Variants in HIGD1C observed in about 807,000 individuals in gnomAD.
HIGD1C encodes the protein HIG1 hypoxia inducible domain family member 1C, also known as HIG1 domain family member 1C.
A neutral mutation model predicts 13.1 loss-of-function variants in HIGD1C; 11 were observed. The observed-to-expected ratio is 0.84, with a 90% CI of 0.53 to 1.39. The LOEUF is 1.39. Ranked by LOEUF, HIGD1C falls within the 40% of genes most tolerant of loss-of-function variation. The probability of loss-of-function intolerance (pLI) is 0.00; values close to 1 mark genes in which losing one functional copy is unlikely to be tolerated. For synonymous variants in HIGD1C, 36 were observed against 37.7 expected (o/e 0.95, Z 0.17); for missense variants, 110 against 112.0 (o/e 0.98, Z 0.08).
intron 2 of HIGD1C, among the ~76,000 whole-genome samples, chr12:50,969,630 C>T (rs995315086): frequency 6.7e-6 from 1 of 149,694 alleles, no homozygotes; most frequent in Non-Finnish European, 1.5e-5. Flanking sequence ...ACCTGGGAAG[C>T]GGAGGTTGCA....
chr12:50,931,670 C>T, the HIGD1C span: 1 of 137,058 alleles, frequency 7.3e-6, no homozygotes, highest in South Asian at 2.3e-4. Flanking sequence ...GAGATCATGC[C>T]ATTGTACTCT....
At chr12:50,936,015 C>T in the HIGD1C span, among the ~76,000 whole-genome samples, 9 of 152,008 alleles carry the variant, frequency 5.9e-5, no homozygotes, top group Middle Eastern at 3.4e-3. Flanking sequence ...AAAAGTTAGC[C>T]GGGCGTGGTG....
chr12:50,941,015 ATTTATT>A, the HIGD1C span, among the ~76,000 whole-genome samples: 4 of 151,676 alleles, frequency 2.6e-5, no homozygotes, highest in South Asian at 4.2e-4. Flanking sequence ...CGGCTAATTT[ATTTATT>A]TTTATTTTTA....
chr12:50,952,815 T>G (rs1308273214), upstream of HIGD1C, among the ~76,000 whole-genome samples: 1 of 152,204 alleles, frequency 6.6e-6, no homozygotes, highest in Non-Finnish European at 1.5e-5. Flanking sequence ...GCAAGAATCC[T>G]GGCCTCTGAT....
chr12:50,960,842 G>A (rs67646958), intron 1 of HIGD1C, 126 bp from the exon 4 acceptor site: 125,574 of 733,480 alleles, frequency 0.17, 13,467 homozygotes, highest in East Asian at 0.49. Context: ...ATCACCATGT[G>A]TGGCTAATTT....
At chr12:50,942,440 G>A in the HIGD1C span, among the ~76,000 whole-genome samples, 3 of 152,066 alleles carry the variant, frequency 2.0e-5, no homozygotes, top group Admixed American at 6.6e-5. Flanking sequence ...TGGCTTAACT[G>A]GCCTCCAGTC....
chr12:50,962,638 A>G (rs939149273), intron 2 of HIGD1C, among the ~76,000 whole-genome samples: 1 of 152,216 alleles, frequency 6.6e-6, no homozygotes, highest in Non-Finnish European at 1.5e-5. Flanking sequence ...CAGAGGTTGC[A>G]GTGAGTCGAA....
the HIGD1C span, among the ~76,000 whole-genome samples, chr12:50,941,382 A>AT: frequency 6.6e-6 from 1 of 152,074 alleles, no homozygotes; most frequent in Non-Finnish European, 1.5e-5. Flanking sequence ...CTGTGCTTTT[A>AT]TTTTTTTCCT....
chr12:50,965,462 T>TA (rs1939505809), intron 2 of HIGD1C, among the ~76,000 whole-genome samples: 1 of 152,100 alleles, frequency 6.6e-6, no homozygotes, highest in Admixed American at 6.6e-5. Flanking sequence ...TATTTCCTAC[T>TA]ATAATAGCCC....
the HIGD1C span, among the ~76,000 whole-genome samples, chr12:50,939,060 A>C: frequency 6.6e-6 from 1 of 152,256 alleles, no homozygotes; most frequent in Non-Finnish European, 1.5e-5. Context: ...ACAATGCTAC[A>C]TGTTGGTCTC....
the HIGD1C span, among the ~76,000 whole-genome samples, chr12:50,936,364 C>A: frequency 1.3e-5 from 2 of 152,132 alleles, no homozygotes; most frequent in Non-Finnish European, 2.9e-5. Context: ...CAAGTCTCAG[C>A]CTCCCAAAGT....
intron 1 of HIGD1C, among the ~76,000 whole-genome samples, chr12:50,960,101 C>G (rs1939268365): frequency 6.6e-6 from 1 of 152,216 alleles, no homozygotes; most frequent in Non-Finnish European, 1.5e-5. Flanking sequence ...TATATTCACC[C>G]CTTGACATTT....
At chr12:50,958,047 A>G (rs1394991889) in intron 1 of HIGD1C, among the ~76,000 whole-genome samples, 2 of 150,228 alleles carry the variant, frequency 1.3e-5, no homozygotes, top group Non-Finnish European at 3.0e-5. Flanking sequence ...CTCAAGTGAT[A>G]TGCCTGCCTT....
chr12:50,960,204 C>CT (rs1334223770), intron 1 of HIGD1C, among the ~76,000 whole-genome samples: 1 of 152,120 alleles, frequency 6.6e-6, no homozygotes, highest in African/African-American at 2.4e-5. Flanking sequence ...ATATTCATAC[C>CT]TTTTCATCTC....
At chr12:50,957,285 A>C (rs866818940) in intron 1 of HIGD1C, among the ~76,000 whole-genome samples, 128 of 151,602 alleles carry the variant, frequency 8.4e-4, no homozygotes, top group African/African-American at 3.0e-3. Context: ...ATCCTGGCTC[A>C]CTACAACCTC....
chr12:50,960,874 C>T, intron 1 of HIGD1C, 94 bp from the exon 4 acceptor site: 1 of 1,051,358 alleles, frequency 9.5e-7, no homozygotes, highest in African/African-American at 1.6e-5. Context: ...GAGATGGGGT[C>T]TTGCTATGTT....
chr12:50,946,627 T>C, the HIGD1C span, among the ~76,000 whole-genome samples: 1 of 152,184 alleles, frequency 6.6e-6, no homozygotes, highest in Non-Finnish European at 1.5e-5. Context: ...TTTTACACTG[T>C]TGGTGGGACT....
At chr12:50,972,131 A>T (rs1939777268), downstream of HIGD1C, among the ~76,000 whole-genome samples, 1 of 152,252 alleles carries the variant, frequency 6.6e-6, no homozygotes, top group Non-Finnish European at 1.5e-5. Context: ...GCTGGCATGG[A>T]AATAAGTCAT....
chr12:50,953,909 T>C (rs1186608944), upstream of HIGD1C: 2 of 707,826 alleles, frequency 2.8e-6, no homozygotes, highest in African/African-American at 1.8e-5. Context: ...AAAAAACACA[T>C]AATCAAGAGT....
Sources: allele counts gnomAD v4.1 joint callset (sites outside exome capture counted in the v4.1 genomes callset), GRCh38; gene constraint gnomAD v4.1.1; transcripts MANE v1.5; gene names NCBI Gene and HGNC (gene_info 2026-07-23, HGNC 2026-07-21).